NAA60: variants seen among roughly 807,000 people sequenced by gnomAD.
NAA60 encodes the protein N-alpha-acetyltransferase 60.
Under a neutral mutation model 26.1 loss-of-function variants are expected in NAA60, and 8 were observed. The observed-to-expected ratio is 0.31, with a 90% CI of 0.18 to 0.55. The LOEUF (loss-of-function observed/expected upper bound fraction) is 0.55, where lower values mean the gene tolerates loss of function less well. Ranked by LOEUF, NAA60 falls within the 20% of genes least tolerant of loss-of-function variation. NAA60 has a pLI of 0.93. For missense variants in NAA60, 290 were observed against 311.3 expected (o/e 0.93, Z 0.51); for synonymous variants, 131 against 122.5 (o/e 1.07, Z -0.46).
chr16:3,452,499 AC>A (rs2034823720), intron 2 of NAA60, among the ~76,000 whole-genome samples: 1 of 151,174 alleles, frequency 6.6e-6, no homozygotes, highest in African/African-American at 2.4e-5. Context: ...TACTAAAAAT[AC>A]AAAAAATTAA....
At chr16:3,475,892 G>T (rs1407384019) in intron 2 of NAA60, among the ~76,000 whole-genome samples, 8 of 152,256 alleles carry the variant, frequency 5.3e-5, no homozygotes, top group Non-Finnish European at 1.2e-4. Flanking sequence ...TTGACCCTCG[G>T]AAGGACCACT....
chr16:3,457,906 TGCCCGCTCCC>T, intron 2 of NAA60: 1 of 383,526 alleles, frequency 2.6e-6, no homozygotes, highest in Non-Finnish European at 3.0e-6. Context: ...GCACGGAGCC[TGCCCGCTCCC>T]AACCTGCCCG....
chr16:3,484,700 G>A lies in NAA60; in HGVS notation c.574G>A (p.Asp192Asn), dbSNP rs2037063013. 20 of 1,589,706 alleles carry A rather than the reference G, an allele frequency of 1.3e-5. No individual in the cohort carries two copies. The highest frequency in any genetic ancestry group is 1.7e-5 in the Non-Finnish European group (20 of 1,169,142). The change falls in exon 7 of 8, where the codon GAC becomes AAC. Residue 192 changes from aspartate (D) to asparagine (N), a missense_variant and splice_region_variant. Transcript: ENST00000407558. The part of the protein sequence containing the change: ...NGGHPPWTIL[D>N]YIQHLGSALA... ...GAATCTTCCTTAACAGAGCCCCACG[G>A]ACTACATCCAGCACCTGGGCTCTGC...
At chr16:3,471,540 C>T (rs958685080) in intron 2 of NAA60, among the ~76,000 whole-genome samples, 5 of 152,050 alleles carry the variant, frequency 3.3e-5, no homozygotes, top group African/African-American at 4.8e-5. Context: ...GGAACGTTTT[C>T]GTCCCCTCAG....
At chr16:3,449,899 C>G (rs992188789) in intron 2 of NAA60, 5 of 390,876 alleles carry the variant, frequency 1.3e-5, no homozygotes, top group African/African-American at 8.3e-5. Context: ...ATGCCTTTTA[C>G]CTTCCACCGT....
intron 1 of NAA60, among the ~76,000 whole-genome samples, chr16:3,444,508 T>C (rs1283977658): frequency 1.3e-5 from 2 of 152,212 alleles, no homozygotes; most frequent in Non-Finnish European, 2.9e-5. Flanking sequence ...AGTCTCAACA[T>C]ATTTCCTTAT....
intron 2 of NAA60, among the ~76,000 whole-genome samples, chr16:3,449,718 T>C (rs1278850390): frequency 6.6e-6 from 1 of 152,118 alleles, no homozygotes; most frequent in Non-Finnish European, 1.5e-5. Flanking sequence ...CCAAATCTCA[T>C]CTGCAATTCC....
At chr16:3,464,594 A>G (rs1382479934) in intron 2 of NAA60, among the ~76,000 whole-genome samples, 1 of 152,192 alleles carries the variant, frequency 6.6e-6, no homozygotes, top group African/African-American at 2.4e-5. Flanking sequence ...GAGAACAGAC[A>G]GATTCTTGGT....
At chr16:3,481,743 CAA>C (rs1567399070) in intron 4 of NAA60, among the ~76,000 whole-genome samples, 2 of 152,154 alleles carry the variant, frequency 1.3e-5, no homozygotes, top group Admixed American at 1.3e-4. Flanking sequence ...CCTGGAGTAA[CAA>C]GAGTGATAAG....
intron 2 of NAA60, among the ~76,000 whole-genome samples, chr16:3,474,002 C>G (rs117467815): frequency 1.3e-5 from 2 of 150,016 alleles, no homozygotes; most frequent in Non-Finnish European, 3.0e-5. Context: ...CCAAAGTGCT[C>G]ATATTACAGG....
At chr16:3,464,219 G>A (rs534719769) in intron 2 of NAA60, among the ~76,000 whole-genome samples, 2 of 152,236 alleles carry the variant, frequency 1.3e-5, no homozygotes, top group South Asian at 4.1e-4. Context: ...TAGAGATGGG[G>A]TTTCCCCATG....
In NAA60 at chr16:3,457,994, C is replaced by T. The variant is rs1596299150; in HGVS notation, c.-7+9454C>T. 8.1e-6 allele frequency: 8 copies of T among 985,352 alleles called. No individual in the cohort carries two copies. The South Asian group carries it at 2.3e-4, about 29-fold the overall frequency. The allele number at this position is 985,352 out of a possible 1,614,324, so 61.0% of individuals were successfully genotyped here. A position where few individuals can be genotyped will look rare whatever the true frequency, so the allele number is the denominator to read the frequency against. ...CGTGGGGGCGGCGGCCAATGGGCTT[C>T]CGGGCTGCGCTGCCGGCAGGGAGCG... On this transcript the variant is annotated intron_variant, in intron 2 of 7. Coordinates refer to ENST00000407558, the MANE Select transcript of NAA60 (RefSeq NM_001083601.3).
In NAA60 at chr16:3,484,888, C is replaced by G; in HGVS notation, c.*33C>G. ...TGGGCAGCCGCCACCAGGCCCCACC[C>G]TTCGGCCGCCCGCAGAGCCCGCCTT... is the stretch of plus-strand genomic sequence containing the variant. On this transcript the variant is annotated 3_prime_UTR_variant, in exon 7 of 8. Transcript: ENST00000407558. 1.3e-6 allele frequency: 2 copies of G among 1,550,888 alleles called. No individual in the cohort carries two copies. Among genetic ancestry groups the G allele is most frequent in the East Asian group, 4.9e-5 (2 of 40,964 alleles).
intron 1 of NAA60, among the ~76,000 whole-genome samples, chr16:3,444,530 G>A (rs1319538824): frequency 6.6e-6 from 1 of 152,142 alleles, no homozygotes; most frequent in African/African-American, 2.4e-5. Context: ...CCAGTGCCAG[G>A]CACATTCCTG....
At chr16:3,463,623 G>T (rs2150971858) in intron 2 of NAA60, among the ~76,000 whole-genome samples, 1 of 151,624 alleles carries the variant, frequency 6.6e-6, no homozygotes, top group East Asian at 1.9e-4. Context: ...CCAGCTACTT[G>T]GGAGGCTGAG....
chr16:3,447,671 T>G (rs1462352314), intron 1 of NAA60: 1 of 977,964 alleles, frequency 1.0e-6, no homozygotes, highest in Non-Finnish European at 1.2e-6. Context: ...TTCTTACTGG[T>G]GTTCAGAATG....
At chr16:3,447,457 C>T (rs144563485) in intron 1 of NAA60, 5 of 985,250 alleles carry the variant, frequency 5.1e-6, no homozygotes, top group East Asian at 1.1e-4. Context: ...TTGCTCACTA[C>T]GTTTGGTGTG....
intron 1 of NAA60, among the ~76,000 whole-genome samples, chr16:3,446,984 G>T (rs989077073): frequency 2.0e-5 from 3 of 151,956 alleles, no homozygotes; most frequent in African/African-American, 7.3e-5. Flanking sequence ...TGGGACTATA[G>T]GTGCGTACCA....
chr16:3,467,163 C>T (rs1271826255), intron 2 of NAA60, among the ~76,000 whole-genome samples: 1 of 152,170 alleles, frequency 6.6e-6, no homozygotes, highest in Non-Finnish European at 1.5e-5. Flanking sequence ...CTCATGCAGC[C>T]TTCCCAGCGA....
Sources: allele counts gnomAD v4.1 joint callset (sites outside exome capture counted in the v4.1 genomes callset), GRCh38; gene constraint gnomAD v4.1.1; transcripts MANE v1.5; gene names NCBI Gene and HGNC (gene_info 2026-07-23, HGNC 2026-07-21).